Variants in GORASP2 observed in about 807,000 individuals in gnomAD.
The protein encoded by GORASP2 is Golgi reassembly-stacking protein 2.
Under a neutral mutation model 45.7 loss-of-function variants are expected in GORASP2, and 22 were observed. That is an observed-to-expected ratio of 0.48 (90% CI 0.34 to 0.69). The LOEUF is 0.69. Ranked by LOEUF, GORASP2 falls within the 30% of genes least tolerant of loss-of-function variation. The pLI, the probability that GORASP2 is intolerant of heterozygous loss-of-function variation, is 0.01. For synonymous variants in GORASP2, 221 were observed against 215.6 expected (o/e 1.02, Z -0.22); for missense variants, 491 against 562.7 (o/e 0.87, Z 1.29).
chr2:170,948,595 T>G (rs1704229559), intron 2 of GORASP2, 165 bp downstream of exon 2: 1 of 519,384 alleles, frequency 1.9e-6, no homozygotes, highest in East Asian at 3.4e-5. Flanking sequence ...ATCTATAATA[T>G]TATACCTTAT....
Position 170,948,346 on chromosome 2 carries a change from G to A in GORASP2, c.64-4G>A, listed in dbSNP as rs775206861. On this transcript the variant is annotated splice_region_variant and splice_polypyrimidine_tract_variant and intron_variant, in intron 1 of 9. Transcript: ENST00000234160. ...TTTTATTTTTGTCGTTTTTGTTTCC[G>A]CAGGTACAAGAAAATTCCCCAGGAC... 1.4e-5 allele frequency: 22 copies of A among 1,558,132 alleles called. No homozygotes were observed. The highest frequency in any genetic ancestry group is 9.6e-5 in the African/African-American group (7 of 73,276).
chr2:170,963,011 C>T (rs995451789), intron 9 of GORASP2, 65 bp downstream of exon 9: 11 of 1,029,034 alleles, frequency 1.1e-5, no homozygotes, highest in Non-Finnish European at 1.7e-5. Flanking sequence ...GAATGCCCAT[C>T]CTCTTCAGTT....
intron 6 of GORASP2, among the ~76,000 whole-genome samples, chr2:170,956,070 A>C (rs886671719): frequency 6.6e-6 from 1 of 152,232 alleles, no homozygotes; most frequent in Non-Finnish European, 1.5e-5. Context: ...CAAATAAACC[A>C]GCTGGGAATT....
chr2:170,937,428 C>T (rs926522717), intron 1 of GORASP2, among the ~76,000 whole-genome samples: 2 of 152,114 alleles, frequency 1.3e-5, no homozygotes, highest in Non-Finnish European at 1.5e-5. Flanking sequence ...CTCAAACTCC[C>T]GGGCTCAAGT....
At chr2:170,949,470 G>T in intron 2 of GORASP2, 69 bp from the exon 3 acceptor site, 1 of 998,464 alleles carries the variant, frequency 1.0e-6, no homozygotes, top group Non-Finnish European at 1.6e-6. Context: ...ACTCTTATAG[G>T]GCCATAGGAT....
intron 8 of GORASP2, among the ~76,000 whole-genome samples, chr2:170,962,595 T>C (rs1158808682): frequency 6.6e-6 from 1 of 152,204 alleles, no homozygotes; most frequent in African/African-American, 2.4e-5. Context: ...TTAAGAGTAT[T>C]AGTTATTTAT....
chr2:170,932,437 G>T (rs959605485), intron 1 of GORASP2, among the ~76,000 whole-genome samples: 3 of 152,186 alleles, frequency 2.0e-5, no homozygotes, highest in Non-Finnish European at 4.4e-5. Flanking sequence ...GTACCTCCTG[G>T]TGTTGAACAT....
In GORASP2 at chr2:170,929,309, G is replaced by A; in HGVS notation, c.-32G>A. On this transcript the variant is annotated 5_prime_UTR_variant, in exon 1 of 10. Coordinates refer to ENST00000234160, the MANE Select transcript of GORASP2 (RefSeq NM_015530.5). The stretch of plus-strand genomic sequence containing the variant: ...GCGCTGGGGGCGGGAGCAGCGCGGA[G>A]CCCGGCTCGGCCACACCGATCGCCC... 1 of 1,341,096 alleles carries A rather than the reference G, an allele frequency of 7.5e-7. No individual in the cohort carries two copies. The highest frequency in any genetic ancestry group is 3.1e-5 in the East Asian group (1 of 32,248). The allele number at this position is 1,341,096 out of a possible 1,614,324, so 83.1% of individuals were successfully genotyped here.
Position 170,966,259 on chromosome 2 carries a change from G to T in GORASP2, c.*129G>T. ...GGCATCCTGTAAATAATTCCAAGGG[G>T]AAAACTAAACGAGGACGTGGGTTGT... is the stretch of plus-strand genomic sequence containing the variant. On this transcript the variant is annotated 3_prime_UTR_variant, in exon 10 of 10. Transcript: ENST00000234160. The T allele has an allele frequency of 1.4e-6, 1 of 718,672 alleles. No homozygotes were observed. The highest frequency in any genetic ancestry group is 2.4e-6 in the Non-Finnish European group (1 of 417,620). The allele number at this position is 718,672 out of a possible 1,614,324, so 44.5% of individuals were successfully genotyped here.
Position 170,949,541 on chromosome 2 carries a change from T to C in GORASP2, c.147T>C (p.Asn49=). ...ATGTGATTTCTATGTGTTCACAGAA[T>C]AAAGACAATGACACTCTTAAGGATC... ...FIVSINGSRL[N]KDNDTLKDLL... is the part of the protein sequence containing the mutation. Residue 49 remains asparagine (N), a splice_region_variant and synonymous_variant, in exon 3 of 10, where the codon AAT becomes AAC. Transcript: ENST00000234160. 6.2e-7 allele frequency: 1 copy of C among 1,612,066 alleles called. No individual in the cohort carries two copies. Among genetic ancestry groups the C allele is most frequent in the Non-Finnish European group, 8.5e-7 (1 of 1,178,180 alleles).
chr2:170,966,323 G>C lies in GORASP2; in HGVS notation c.*193G>C, dbSNP rs1331437654. On this transcript the variant is annotated 3_prime_UTR_variant, in exon 10 of 10. Transcript: ENST00000234160. The stretch of plus-strand genomic sequence containing the variant: ...GAGTGGGGCTCACACGCTAGGGTGA[G>C]ATGTCAGAAAGCGCTTGTATTTTAA... The C allele has an allele frequency of 1.7e-6, 1 of 594,750 alleles. No homozygotes were observed. The highest frequency in any genetic ancestry group is 1.9e-5 in the African/African-American group (1 of 53,574). The allele number at this position is 594,750 out of a possible 1,614,324, so 36.8% of individuals were successfully genotyped here.
intron 9 of GORASP2, among the ~76,000 whole-genome samples, chr2:170,964,766 C>T (rs1008671793): frequency 2.0e-5 from 3 of 152,160 alleles, no homozygotes; most frequent in African/African-American, 7.2e-5. Flanking sequence ...TCTGCCCTTT[C>T]CCTAAATTTG....
At chr2:170,937,062 G>C (rs1240503532) in intron 1 of GORASP2, among the ~76,000 whole-genome samples, 1 of 152,056 alleles carries the variant, frequency 6.6e-6, no homozygotes, top group African/African-American at 2.4e-5. Context: ...ACAAGAATTA[G>C]ACCGGCATGA....
intron 4 of GORASP2, 98 bp downstream of exon 4, chr2:170,950,388 A>G: frequency 1.6e-6 from 1 of 608,970 alleles, no homozygotes; most frequent in South Asian, 2.4e-5. Context: ...TTAGAGTTAA[A>G]ATTTCAGTCT....
intron 1 of GORASP2, among the ~76,000 whole-genome samples, chr2:170,934,068 T>G (rs1170855905): frequency 6.6e-6 from 1 of 152,180 alleles, no homozygotes; most frequent in Non-Finnish European, 1.5e-5. Flanking sequence ...TTGTCAGAGA[T>G]GAGGTCTCCC....
At chr2:170,961,853 G>C (rs956014461) in intron 8 of GORASP2, 104 bp downstream of exon 8, 2 of 770,074 alleles carry the variant, frequency 2.6e-6, no homozygotes, top group African/African-American at 3.4e-5. Context: ...AACTTTTTAT[G>C]TCTTTTAATC....
In GORASP2 at chr2:170,966,032, G is replaced by T. The variant is rs1704680621; in HGVS notation, c.1261G>T (p.Ala421Ser). Residue 421 changes from alanine to serine, a missense_variant, in exon 10 of 10, where the codon GCC (alanine) becomes TCC (serine). Ala to Ser is a moderately conservative substitution (Grantham distance 99). Coordinates refer to ENST00000234160, the MANE Select transcript of GORASP2 (RefSeq NM_015530.5). ...GGATGTGACGCCCCCCACTGCCAAGGCCCCCACCACCGTTGAGGACAGAGT... is the reference window on the plus strand; with the variant it reads ...GGATGTGACGCCCCCCACTGCCAAGTCCCCCACCACCGTTGAGGACAGAGT... ...TVDVTPPTAKAPTTVEDRVGD... is the reference protein window; with the variant it reads ...TVDVTPPTAKSPTTVEDRVGD... The T allele has an allele frequency of 6.2e-7, 1 of 1,613,846 alleles. No individual in the cohort carries two copies. Among genetic ancestry groups the T allele is most frequent in the Non-Finnish European group, 8.5e-7 (1 of 1,179,890 alleles).
chr2:170,943,071 A>G (rs1419292082), intron 1 of GORASP2, among the ~76,000 whole-genome samples: 1 of 152,140 alleles, frequency 6.6e-6, no homozygotes, highest in Non-Finnish European at 1.5e-5. Context: ...CACTTTATCA[A>G]TTTATTTTAG....
intron 1 of GORASP2, among the ~76,000 whole-genome samples, chr2:170,941,197 A>G (rs1704069803): frequency 6.6e-6 from 1 of 152,160 alleles, no homozygotes. Flanking sequence ...GAACCTTACA[A>G]CTGCCAGTTA....
Sources: gnomAD v4.1 joint callset for allele counts (sites outside exome capture counted in the v4.1 genomes callset) on GRCh38, gnomAD v4.1.1 for gene constraint, MANE v1.5 for transcripts, NCBI Gene and HGNC (gene_info 2026-07-23, HGNC 2026-07-21) for gene names.